Variants in KCNIP4 observed in about 807,000 individuals in gnomAD.
KCNIP4 encodes the protein Kv channel-interacting protein 4.
A neutral mutation model predicts 34.0 loss-of-function variants in KCNIP4; 12 were observed. The observed-to-expected ratio is 0.35, with a 90% confidence interval of 0.23 to 0.57. KCNIP4 has a LOEUF of 0.57. Among genes scored for constraint, KCNIP4 ranks in the 20% least tolerant of loss-of-function variants. The pLI is 0.83. For missense variants in KCNIP4, 238 were observed against 311.7 expected (o/e 0.76, Z 1.78); for synonymous variants, 124 against 102.2 (o/e 1.21, Z -1.29).
intron 1 of KCNIP4, among the ~76,000 whole-genome samples, chr4:21,118,727 T>C (rs556175739): frequency 6.6e-6 from 1 of 152,228 alleles, no homozygotes; most frequent in East Asian, 1.9e-4. Context: ...AGGTGAACCT[T>C]CTCATATGTG....
intron 2 of KCNIP4, 31 bp downstream of exon 2, chr4:20,882,577 A>G (rs1560539849): frequency 2.8e-6 from 4 of 1,428,566 alleles, no homozygotes; most frequent in Non-Finnish European, 3.9e-6. Flanking sequence ...AGAGTTTCGG[A>G]GGAAAAAAAA....
chr4:21,945,409 T>C (rs1730455009), intron 1 of KCNIP4, among the ~76,000 whole-genome samples: 2 of 152,202 alleles, frequency 1.3e-5, no homozygotes, highest in East Asian at 1.9e-4. Flanking sequence ...ATAATGATTG[T>C]ATGATGAAAA....
chr4:21,392,597 G>A (rs942403871), intron 1 of KCNIP4, among the ~76,000 whole-genome samples: 24 of 152,120 alleles, frequency 1.6e-4, no homozygotes, highest in East Asian at 9.6e-4. Context: ...GGTGTGAAAC[G>A]AAAAATAATT....
chr4:21,589,074 A>C (rs2109088812), intron 1 of KCNIP4, among the ~76,000 whole-genome samples: 1 of 147,752 alleles, frequency 6.8e-6, no homozygotes, highest in Non-Finnish European at 1.5e-5. Flanking sequence ...GAAAAGAAGA[A>C]ACCAGATTAC....
At chr4:21,554,807 A>T (rs953073895) in intron 1 of KCNIP4, among the ~76,000 whole-genome samples, 1 of 151,992 alleles carries the variant, frequency 6.6e-6, no homozygotes, top group African/African-American at 2.4e-5. Context: ...TCCTTTTCTG[A>T]CTGTACAGTT....
intron 3 of KCNIP4, chr4:20,767,419 C>T (rs2149373972): frequency 6.6e-6 from 1 of 152,178 alleles, no homozygotes; most frequent in African/African-American, 2.4e-5. Context: ...GCGATGCTTA[C>T]ATGGTATGTT....
At chr4:21,188,859 C>A (rs977951309) in intron 1 of KCNIP4, among the ~76,000 whole-genome samples, 1 of 152,136 alleles carries the variant, frequency 6.6e-6, no homozygotes, top group South Asian at 2.1e-4. Flanking sequence ...TGCCTGTTCA[C>A]CACTTCATCA....
intron 1 of KCNIP4, among the ~76,000 whole-genome samples, chr4:21,264,854 T>C (rs959404760): frequency 6.6e-6 from 1 of 152,008 alleles, no homozygotes; most frequent in Non-Finnish European, 1.5e-5. Context: ...TCCCAGCAGT[T>C]TGGGAGGCTG....
chr4:21,153,534 T>TAC (rs1412776411), intron 1 of KCNIP4, among the ~76,000 whole-genome samples: 1 of 147,682 alleles, frequency 6.8e-6, no homozygotes, highest in Non-Finnish European at 1.5e-5. Flanking sequence ...TATATATATA[T>TAC]ATATATATGC....
At chr4:21,770,938 T>C (rs1422607591) in intron 1 of KCNIP4, among the ~76,000 whole-genome samples, 1 of 152,190 alleles carries the variant, frequency 6.6e-6, no homozygotes, top group African/African-American at 2.4e-5. Context: ...CAGAAGCTCT[T>C]TAGTTTAATT....
At chr4:21,043,682 G>C (rs143987592) in intron 1 of KCNIP4, among the ~76,000 whole-genome samples, 1 of 152,010 alleles carries the variant, frequency 6.6e-6, no homozygotes, top group Non-Finnish European at 1.5e-5. Context: ...GAAAATAGAA[G>C]CAATGTTTTT....
At chr4:21,317,411 A>G (rs1404633327) in intron 1 of KCNIP4, among the ~76,000 whole-genome samples, 4 of 152,104 alleles carry the variant, frequency 2.6e-5, no homozygotes, top group East Asian at 1.9e-4. Context: ...TTATTTTGAG[A>G]AAAAAAGGTA....
At chr4:20,820,367 A>G (rs1716951956) in intron 3 of KCNIP4, among the ~76,000 whole-genome samples, 1 of 152,216 alleles carries the variant, frequency 6.6e-6, no homozygotes, top group Non-Finnish European at 1.5e-5. Context: ...AATGAACTAG[A>G]GTATTTGGTG....
Position 21,682,346 on chromosome 4 carries a change from A to G in KCNIP4, c.61+266225T>C, listed in dbSNP as rs146338731. ...AACACTGGGGATTGTAACTCGACAT[A>G]AGATTTGGGCAGGGACACATATCCA... On this transcript the variant is annotated intron_variant, in intron 1 of 8. Transcript: ENST00000382152. Among the ~76,000 whole-genome samples, 402 of 152,286 alleles carry G rather than the reference A, an allele frequency of 2.6e-3. 1 individual carries two copies. The highest frequency in any genetic ancestry group is 7.7e-3 in the African/African-American group (321 of 41,562).
chr4:20,955,998 G>A (rs1733264160), intron 1 of KCNIP4, among the ~76,000 whole-genome samples: 1 of 152,136 alleles, frequency 6.6e-6, no homozygotes, highest in African/African-American at 2.4e-5. Context: ...CTTGTGCCAA[G>A]CCTTCTTGTG....
At chr4:20,812,789 C>G (rs1336716078) in intron 3 of KCNIP4, among the ~76,000 whole-genome samples, 1 of 151,942 alleles carries the variant, frequency 6.6e-6, no homozygotes, top group Admixed American at 6.6e-5. Context: ...GATGAGGGAA[C>G]CATCTTGGAA....
At chr4:21,932,863 T>C (rs1729646750) in intron 1 of KCNIP4, among the ~76,000 whole-genome samples, 2 of 143,290 alleles carry the variant, frequency 1.4e-5, no homozygotes. Context: ...TCTAAATGTA[T>C]ACATGTATAA....
chr4:20,751,890 A>G (rs1251545521), intron 4 of KCNIP4, among the ~76,000 whole-genome samples: 2 of 152,106 alleles, frequency 1.3e-5, no homozygotes, highest in African/African-American at 2.4e-5. Context: ...TAGACAATCT[A>G]TGCACAGAGG....
chr4:21,922,939 T>C (rs939412263), intron 1 of KCNIP4, among the ~76,000 whole-genome samples: 1 of 152,178 alleles, frequency 6.6e-6, no homozygotes, highest in Non-Finnish European at 1.5e-5. Flanking sequence ...AACCCGAAAG[T>C]CAAGTTTTAC....
Sources: gnomAD v4.1 joint callset for allele counts (sites outside exome capture counted in the v4.1 genomes callset) on GRCh38, gnomAD v4.1.1 for gene constraint, MANE v1.5 for transcripts, NCBI Gene and HGNC (gene_info 2026-07-23, HGNC 2026-07-21) for gene names.